The following ERG variants were observed in gnomAD, a reference collection of about 807,000 sequenced individuals.
ERG encodes the protein ETS transcription factor ERG.
In ERG, 9 loss-of-function variants were observed where a neutral mutation model predicts 55.3. That is an observed-to-expected ratio of 0.16 (90% CI 0.10 to 0.28). ERG has a LOEUF of 0.28. Ranked by LOEUF, ERG falls within the 10% of genes least tolerant of loss-of-function variation. The pLI is 1.00. For missense variants in ERG, 434 were observed against 631.6 expected (o/e 0.69, Z 3.35); for synonymous variants, 223 against 237.3 (o/e 0.94, Z 0.55).
chr21:38,379,918 C>T (rs926728973), downstream of ERG: 112 of 643,828 alleles, frequency 1.7e-4, no homozygotes, highest in African/African-American at 1.9e-3. Flanking sequence ...AGGCTGGTCC[C>T]GGGCTCAAGC....
At chr21:38,536,483 G>A (rs558757857) in intron 2 of ERG, among the ~76,000 whole-genome samples, 9 of 152,160 alleles carry the variant, frequency 5.9e-5, no homozygotes, top group East Asian at 1.9e-4. Flanking sequence ...CCTCTGGGAC[G>A]TCAGCGTCTC....
intron 1 of ERG, among the ~76,000 whole-genome samples, chr21:38,580,041 C>T (rs1327524217): frequency 6.6e-6 from 1 of 152,058 alleles, no homozygotes; most frequent in Non-Finnish European, 1.5e-5. Flanking sequence ...AGGATGGTAT[C>T]GATCTCCTGA....
intron 1 of ERG, among the ~76,000 whole-genome samples, chr21:38,650,299 A>G (rs1459174216): frequency 2.0e-5 from 3 of 152,212 alleles, no homozygotes; most frequent in Non-Finnish European, 2.9e-5. Context: ...TCTGCTAGTG[A>G]AGTTTCTTAC....
chr21:38,384,546 G>C (rs1396388810), intron 9 of ERG, among the ~76,000 whole-genome samples: 1 of 152,118 alleles, frequency 6.6e-6, no homozygotes, highest in Non-Finnish European at 1.5e-5. Flanking sequence ...AGATCAACCT[G>C]GTGTTTAGGG....
chr21:38,398,241 C>A (rs904245204), intron 6 of ERG, among the ~76,000 whole-genome samples: 2 of 152,130 alleles, frequency 1.3e-5, no homozygotes, highest in Non-Finnish European at 2.9e-5. Context: ...AGGTTCACAG[C>A]TTTTATCTCC....
At chr21:38,593,468 A>G (rs1235683718) in intron 1 of ERG, among the ~76,000 whole-genome samples, 1 of 152,234 alleles carries the variant, frequency 6.6e-6, no homozygotes, top group Non-Finnish European at 1.5e-5. Context: ...TTCATCAAAC[A>G]CAATATATCT....
intron 1 of ERG, among the ~76,000 whole-genome samples, chr21:38,494,166 CA>C (rs1485961615): frequency 2.0e-5 from 3 of 152,172 alleles, no homozygotes; most frequent in Non-Finnish European, 4.4e-5. Flanking sequence ...GAAGCGCTAT[CA>C]GGGGTGGTCT....
At chr21:38,437,297 C>G (rs1271250015) in intron 2 of ERG, among the ~76,000 whole-genome samples, 1 of 151,938 alleles carries the variant, frequency 6.6e-6, no homozygotes. Context: ...AACTTCGACA[C>G]TAGTGCCACT....
intron 1 of ERG, among the ~76,000 whole-genome samples, chr21:38,605,731 T>A (rs2060192624): frequency 6.6e-6 from 1 of 152,136 alleles, no homozygotes; most frequent in Admixed American, 6.5e-5. Context: ...CTAGCAAAAG[T>A]AGCTGTGTGC....
At chr21:38,443,193 A>G (rs1029390941) in intron 2 of ERG, among the ~76,000 whole-genome samples, 6 of 152,100 alleles carry the variant, frequency 3.9e-5, no homozygotes, top group Non-Finnish European at 8.8e-5. Flanking sequence ...TCGCCTCCTC[A>G]CTCAGTCTCC....
intron 1 of ERG, among the ~76,000 whole-genome samples, chr21:38,487,639 T>C (rs1303517458): frequency 6.6e-6 from 1 of 152,144 alleles, no homozygotes; most frequent in Non-Finnish European, 1.5e-5. Flanking sequence ...GGAAGTCATT[T>C]TGCAAAGAAG....
the ERG span, among the ~76,000 whole-genome samples, chr21:38,374,799 A>C: frequency 1.3e-5 from 2 of 152,184 alleles, no homozygotes; most frequent in South Asian, 4.1e-4. Context: ...AAATACAAAA[A>C]ATGAACGTTG....
At chr21:38,602,549 G>A (rs1020716490) in intron 1 of ERG, among the ~76,000 whole-genome samples, 10 of 151,992 alleles carry the variant, frequency 6.6e-5, no homozygotes, top group South Asian at 2.1e-4. Context: ...TAACGGGGCA[G>A]GGGATAAGGA....
chr21:38,656,857 T>C (rs2060522388), intron 1 of ERG, among the ~76,000 whole-genome samples: 1 of 152,208 alleles, frequency 6.6e-6, no homozygotes, highest in Non-Finnish European at 1.5e-5. Context: ...TATATGCCTG[T>C]TTTCTTTCCT....
intron 1 of ERG, among the ~76,000 whole-genome samples, chr21:38,617,257 C>T (rs1175623900): frequency 6.6e-6 from 1 of 152,200 alleles, no homozygotes; most frequent in Admixed American, 6.5e-5. Context: ...AAAAATCCTT[C>T]TGGAAAGAGC....
Position 38,380,124 on chromosome 21 carries a change from G to A in ERG, c.*3279C>T, listed in dbSNP as rs1987357632. 3 of 1,031,738 alleles carry A rather than the reference G, an allele frequency of 2.9e-6. No individual in the cohort carries two copies. In the South Asian group the frequency reaches 1.4e-4, roughly 48 times the overall value. 63.9% of individuals were successfully genotyped at this position (1,031,738 alleles called of 1,614,324 possible). On this transcript the variant is annotated 3_prime_UTR_variant, in exon 10 of 10. Coordinates refer to ENST00000288319, the MANE Select transcript of ERG (RefSeq NM_182918.4). ...AATTAATGAGAAGCTAAATAAACTAGCTTTTTAAAAAATATTTTCTTCTCT... is the reference window on the plus strand; with the variant it reads ...AATTAATGAGAAGCTAAATAAACTAACTTTTTAAAAAATATTTTCTTCTCT...
intron 1 of ERG, among the ~76,000 whole-genome samples, chr21:38,464,759 C>T (rs775063890): frequency 3.5e-4 from 53 of 151,874 alleles, no homozygotes; most frequent in Non-Finnish European, 6.5e-4. Flanking sequence ...TGTTCCCCTC[C>T]TTGTGTCCAT....
chr21:38,594,789 G>C (rs1479250058), intron 1 of ERG, among the ~76,000 whole-genome samples: 1 of 152,232 alleles, frequency 6.6e-6, no homozygotes, highest in Non-Finnish European at 1.5e-5. Flanking sequence ...AATGCAGCTT[G>C]CAGAAGACTC....
Position 38,382,386 on chromosome 21 carries a change from C to A in ERG, c.*1017G>T, listed in dbSNP as rs1045647845. ...ATCTCTTACCTGACCCTGTGGAGAA[C>A]AAAGCCCCCACATAATGATGAGGTC... On this transcript the variant is annotated 3_prime_UTR_variant, in exon 10 of 10. Transcript: ENST00000288319. 9.4e-7 allele frequency: 1 copy of A among 1,060,354 alleles called. No homozygotes were observed. Among genetic ancestry groups the A allele is most frequent in the Non-Finnish European group, 1.1e-6 (1 of 875,910 alleles). The allele number at this position is 1,060,354 out of a possible 1,614,324, so 65.7% of individuals were successfully genotyped here. A position where few individuals can be genotyped will look rare whatever the true frequency, so the allele number is the denominator to read the frequency against.
Sources: gnomAD v4.1 joint callset for allele counts (sites outside exome capture counted in the v4.1 genomes callset) on GRCh38, gnomAD v4.1.1 for gene constraint, MANE v1.5 for transcripts, NCBI Gene and HGNC (gene_info 2026-07-23, HGNC 2026-07-21) for gene names.